CNOT6L: variants seen among roughly 807,000 people sequenced by gnomAD.
CNOT6L encodes the protein CCR4-NOT transcription complex subunit 6-like.
CNOT6L carries 7 observed loss-of-function variants against 64.0 expected under a neutral mutation model. The observed-to-expected ratio is 0.11, with a 90% CI of 0.06 to 0.21. CNOT6L has a LOEUF of 0.21. Ranked by LOEUF, CNOT6L falls within the 10% of genes least tolerant of loss-of-function variation. The pLI is 1.00. For missense variants in CNOT6L, 245 were observed against 669.0 expected, an observed-to-expected ratio of 0.37 and a Z score of 6.99; for synonymous variants, 193 against 243.4, an observed-to-expected ratio of 0.79 and a Z score of 1.93.
chr4:77,814,883 T>C (rs532188243), intron 1 of CNOT6L, among the ~76,000 whole-genome samples: 2 of 152,316 alleles, frequency 1.3e-5, no homozygotes, highest in East Asian at 1.9e-4. Context: ...TTTACTGTAT[T>C]AGAGGTCCAG....
intron 1 of CNOT6L, among the ~76,000 whole-genome samples, chr4:77,783,145 C>A (rs1205302547): frequency 1.1e-5 from 1 of 93,968 alleles, no homozygotes; most frequent in African/African-American, 3.8e-5. Context: ...AGCTCTGTGA[C>A]CACTCAAAAA....
rs3053874 is a variant in CNOT6L at position 77,813,298 on chromosome 4, T to TAGAC, written c.5+6005_5+6006insGTCT. ...CCTTAGATTAGATATATTAGATAGA[T>TAGAC]TAGAAATAGATTAGATATAGATTAG... On this transcript the variant is annotated intron_variant, in intron 1 of 11. Coordinates refer to ENST00000504123, the MANE Select transcript of CNOT6L (RefSeq NM_144571.3). 1.4e-3 allele frequency among the ~76,000 whole-genome samples: 198 copies of TAGAC among 145,566 alleles called. 3 individuals carry two copies. Among genetic ancestry groups the TAGAC allele is most frequent in the Non-Finnish European group, 2.5e-3 (168 of 66,140 alleles).
intron 1 of CNOT6L, among the ~76,000 whole-genome samples, chr4:77,789,521 A>T (rs953453370): frequency 2.0e-5 from 3 of 150,374 alleles, no homozygotes; most frequent in African/African-American, 7.4e-5. Flanking sequence ...TACAAAAAAT[A>T]AAATTAGCTG....
chr4:77,783,169 A>AAAAC (rs1553895271), intron 1 of CNOT6L, among the ~76,000 whole-genome samples: 5 of 151,198 alleles, frequency 3.3e-5, no homozygotes, highest in Admixed American at 6.6e-5. Context: ...AAAAAAAAAA[A>AAAAC]ACACATGTTT....
chr4:77,748,137 A>G (rs1438746700), intron 6 of CNOT6L, among the ~76,000 whole-genome samples, 179 bp downstream of exon 6: 1 of 152,220 alleles, frequency 6.6e-6, no homozygotes, highest in Non-Finnish European at 1.5e-5. Flanking sequence ...TGAAAGATAT[A>G]AGACACCTAT....
At chr4:77,766,370 T>C (rs1489547117) in intron 4 of CNOT6L, among the ~76,000 whole-genome samples, 1 of 152,100 alleles carries the variant, frequency 6.6e-6, no homozygotes, top group African/African-American at 2.4e-5. Context: ...AAAAACTTTT[T>C]TAACAAAAAC....
intron 1 of CNOT6L, among the ~76,000 whole-genome samples, chr4:77,792,232 T>C (rs1231636733): frequency 6.6e-6 from 1 of 151,986 alleles, no homozygotes; most frequent in East Asian, 1.9e-4. Flanking sequence ...AAAGTATAGA[T>C]TTGGGTGCTG....
chr4:77,799,691 T>C (rs1731285600), intron 1 of CNOT6L, among the ~76,000 whole-genome samples: 1 of 103,292 alleles, frequency 9.7e-6, no homozygotes, highest in South Asian at 2.8e-4. Context: ...GTGAGGGGAG[T>C]GAAACTCCAT....
At chr4:77,773,465 C>G (rs916643586) in intron 3 of CNOT6L, among the ~76,000 whole-genome samples, 1 of 152,082 alleles carries the variant, frequency 6.6e-6, no homozygotes, top group Admixed American at 6.5e-5. Context: ...TTTTCTCACC[C>G]AAAATGCCTA....
At chr4:77,760,859 G>GCTTTT (rs1726131650) in intron 4 of CNOT6L, among the ~76,000 whole-genome samples, 1 of 37,170 alleles carries the variant, frequency 2.7e-5, no homozygotes, top group Admixed American at 4.1e-4. Context: ...ACCATGCCTG[G>GCTTTT]CTTTTTTTTT....
intron 1 of CNOT6L, among the ~76,000 whole-genome samples, chr4:77,796,160 ATT>A (rs57746316): frequency 4.7e-5 from 7 of 150,418 alleles, no homozygotes; most frequent in African/African-American, 1.7e-4. Context: ...CCCTCATGAC[ATT>A]TTTTTTTTAT....
intron 1 of CNOT6L, among the ~76,000 whole-genome samples, chr4:77,808,464 A>G (rs1426257591): frequency 6.9e-6 from 1 of 145,098 alleles, no homozygotes; most frequent in Non-Finnish European, 1.5e-5. Context: ...TGCCATCTCA[A>G]AAAAAAAAAA....
At chr4:77,740,081 C>T (rs942221384) in intron 8 of CNOT6L, among the ~76,000 whole-genome samples, 1 of 151,618 alleles carries the variant, frequency 6.6e-6, no homozygotes, top group Non-Finnish European at 1.5e-5. Flanking sequence ...ACATAGGTAA[C>T]AAATATCGTC....
At chr4:77,754,470 T>C (rs964519029) in intron 5 of CNOT6L, among the ~76,000 whole-genome samples, 4 of 152,136 alleles carry the variant, frequency 2.6e-5, no homozygotes, top group Admixed American at 6.5e-5. Context: ...AACATATCAA[T>C]TATTTCCAAA....
intron 1 of CNOT6L, among the ~76,000 whole-genome samples, chr4:77,785,081 GAC>G (rs1316422778): frequency 2.6e-5 from 4 of 152,126 alleles, no homozygotes; most frequent in African/African-American, 9.7e-5. Context: ...AATGAAAGAA[GAC>G]ACACATAGTT....
intron 1 of CNOT6L, among the ~76,000 whole-genome samples, chr4:77,798,724 C>CGT (rs1731161179): frequency 6.8e-6 from 1 of 147,616 alleles, no homozygotes. Context: ...GTGGCTCACA[C>CGT]GTATAATTGC....
At position 77,779,075 on chromosome 4, in the gene CNOT6L, A is replaced by G. The variant is rs1424002963; in HGVS notation, c.6-2683T>C. Among the ~76,000 whole-genome samples the G allele has an allele frequency of 1.5e-3, 58 of 37,596 alleles. 2 individuals carry two copies. Among genetic ancestry groups the G allele is most frequent in the African/African-American group, 4.9e-3 (55 of 11,272 alleles). The allele number at this position is 37,596 out of a possible 152,430, so 24.7% of individuals were successfully genotyped here. A position where few individuals can be genotyped will look rare whatever the true frequency, so the allele number is the denominator to read the frequency against. On this transcript the variant is annotated intron_variant, in intron 1 of 11. Transcript: ENST00000504123. ...AAAAAAAAAAAAACAAAAAAAAAAC[A>G]CAAAAAACACACAGGCATAGGATTA...
intron 1 of CNOT6L, among the ~76,000 whole-genome samples, chr4:77,799,739 C>G (rs1370839998): frequency 6.7e-6 from 1 of 149,856 alleles, no homozygotes; most frequent in Admixed American, 6.6e-5. Flanking sequence ...ATGTTCAGAC[C>G]CAAACTAAGA....
intron 4 of CNOT6L, among the ~76,000 whole-genome samples, chr4:77,759,796 C>A (rs573319950): frequency 6.6e-6 from 1 of 152,260 alleles, no homozygotes; most frequent in East Asian, 1.9e-4. Context: ...ACACTATCAA[C>A]CAACTTGGCC....
Sources: allele counts gnomAD v4.1 joint callset (sites outside exome capture counted in the v4.1 genomes callset), GRCh38; gene constraint gnomAD v4.1.1; transcripts MANE v1.5; gene names NCBI Gene and HGNC (gene_info 2026-07-23, HGNC 2026-07-21).